The following NCOR2 variants were observed in gnomAD, a reference collection of about 807,000 sequenced individuals.
The protein encoded by NCOR2 is nuclear receptor corepressor 2.
Under a neutral mutation model 262.9 loss-of-function variants are expected in NCOR2, and 81 were observed. That is an observed-to-expected ratio of 0.31 (90% CI 0.26 to 0.37). NCOR2 has a LOEUF of 0.37. Ranked by LOEUF, NCOR2 falls within the 10% of genes least tolerant of loss-of-function variation. NCOR2 has a pLI of 1.00. For synonymous variants in NCOR2, 1,659 were observed against 1,559.3 expected (o/e 1.06, Z -1.51); for missense variants, 3,385 against 3,621.4 (o/e 0.93, Z 1.68).
intron 1 of NCOR2, among the ~76,000 whole-genome samples, chr12:124,511,167 A>C (rs926382129): frequency 3.9e-5 from 6 of 152,064 alleles, no homozygotes; most frequent in Non-Finnish European, 7.4e-5. Flanking sequence ...GGTGTGCTTA[A>C]AGCCCAGATT....
Position 124,325,537 on chromosome 12 carries a change from C to T in NCOR2, c.7410G>A (p.Ala2470=), listed in dbSNP as rs772122155. ...GTGGGGGTGGGGAAGCCATGACACC[C>T]GCCTGCAGCCGCATGATCAGGGGGT... is the stretch of plus-strand genomic sequence containing the variant. Residue 2470 remains alanine, a synonymous_variant, in exon 47 of 47, where the codon GCG becomes GCA. Coordinates refer to ENST00000405201, the Ensembl canonical transcript of NCOR2. The T allele has an allele frequency of 3.1e-5, 41 of 1,335,920 alleles. No individual in the cohort carries two copies. Among genetic ancestry groups the T allele is most frequent in the East Asian group, 2.0e-4 (7 of 34,258 alleles). 82.8% of individuals were successfully genotyped at this position (1,335,920 alleles called of 1,614,324 possible).
At chr12:124,355,278 G>A in intron 24 of NCOR2, 154 bp downstream of exon 26, 5 of 907,672 alleles carry the variant, frequency 5.5e-6, no homozygotes, top group Non-Finnish European at 8.2e-6. Flanking sequence ...TGAGTGCCTG[G>A]GGCAGGACCC....
At chr12:124,551,646 C>T (rs1858283104) in intron 1 of NCOR2, among the ~76,000 whole-genome samples, 1 of 152,210 alleles carries the variant, frequency 6.6e-6, no homozygotes, top group Admixed American at 6.5e-5. Context: ...CTGTGACAAG[C>T]CAGTGGTCCT....
In NCOR2 at chr12:124,385,739, G is replaced by T. The variant is rs1261423165; in HGVS notation, c.2019+6C>A. On this transcript the variant is annotated splice_donor_region_variant and intron_variant, in intron 17 of 46. Transcript: ENST00000405201. ...GAGGCGCGGTGCAGCGTGACTGGGG[G>T]CTCACCATCTTCAGCTTGTGCTGCT... 6.2e-7 allele frequency: 1 copy of T among 1,613,200 alleles called. No homozygotes were observed. Among genetic ancestry groups the T allele is most frequent in the Non-Finnish European group, 8.5e-7 (1 of 1,179,770 alleles).
At chr12:124,430,582 AC>A in intron 9 of NCOR2, 32 bp downstream of exon 11, 1 of 1,577,248 alleles carries the variant, frequency 6.3e-7, no homozygotes, top group Non-Finnish European at 8.6e-7. Flanking sequence ...CCGGGCCCTG[AC>A]GTCGGGGGCC....
chr12:124,381,014 T>C (rs1246950778), intron 17 of NCOR2, among the ~76,000 whole-genome samples: 2 of 152,166 alleles, frequency 1.3e-5, no homozygotes, highest in African/African-American at 2.4e-5. Flanking sequence ...GTTTCTGGTA[T>C]TAATTTACTG....
At chr12:124,348,136 G>T (rs1306023050) in intron 29 of NCOR2, 38 bp downstream of exon 31, 2 of 1,604,392 alleles carry the variant, frequency 1.2e-6, no homozygotes, top group African/African-American at 1.3e-5. Flanking sequence ...CCGCCCACCA[G>T]GGGGCACCGA....
Position 124,325,384 on chromosome 12 carries a change from C to CCCCT in NCOR2, c.*17_*18insAGGG, listed in dbSNP as rs1555297261. 2.9e-4 allele frequency: 139 copies of CCCCT among 486,686 alleles called. 2 individuals carry two copies. The highest frequency in any genetic ancestry group is 3.6e-4 in the Non-Finnish European group (117 of 323,226). 30.1% of individuals were successfully genotyped at this position (486,686 alleles called of 1,614,324 possible). A position where few individuals can be genotyped will look rare whatever the true frequency, so the allele number is the denominator to read the frequency against. Reference sequence around the variant, plus strand: ...TCGCTGGGACCTGACACCGCCCCCCCCCCCGCCCTGTTCTGAGTCACTCGC... The same window carrying CCCCT: ...TCGCTGGGACCTGACACCGCCCCCCCCCCTCCCCGCCCTGTTCTGAGTCACTCGC... On this transcript the variant is annotated 3_prime_UTR_variant, in exon 47 of 47. Coordinates refer to ENST00000405201, the Ensembl canonical transcript of NCOR2.
chr12:124,495,190 G>A lies in NCOR2; in HGVS notation c.62C>T (p.Pro21Leu), dbSNP rs2048320297. The change falls in exon 1 of 47, where the codon CCC becomes CTC. Residue 21 changes from proline (P) to leucine (L), a missense_variant. Transcript: ENST00000405201. This position sits in a 1 kb window ranked among gnomAD's most constrained non-coding sequence, Gnocchi z 4.4. ...CTGCACTGGGTAGGAAAGGCTGTGGGGCGGGTAGCGGGGCTCAGTGGCCCT... is the reference window on the plus strand; with the variant it reads ...CTGCACTGGGTAGGAAAGGCTGTGGAGCGGGTAGCGGGGCTCAGTGGCCCT... 9 of 1,613,862 alleles carry A rather than the reference G, an allele frequency of 5.6e-6. No homozygotes were observed. Among genetic ancestry groups the A allele is most frequent in the Non-Finnish European group, 7.6e-6 (9 of 1,179,972 alleles).
chr12:124,518,689 C>A, intron 1 of NCOR2, among the ~76,000 whole-genome samples: 1 of 152,274 alleles, frequency 6.6e-6, no homozygotes, highest in Middle Eastern at 3.2e-3. Context: ...GTAACCCTGG[C>A]GGGCTTCCAG....
rs896684336 is a variant in NCOR2, at chr12:124,344,768, C to T, written c.4543G>A (p.Ala1515Thr). 8.4e-6 allele frequency: 13 copies of T among 1,549,334 alleles called. No individual in the cohort carries two copies. The highest frequency in any genetic ancestry group is 6.8e-5 in the African/African-American group (5 of 73,088). Residue 1515 changes from alanine to threonine, a missense_variant, in exon 32 of 47, where the codon GCC (alanine) becomes ACC (threonine). Physicochemically the swap from Ala to Thr is moderately conservative, Grantham distance 58. Around this residue, in one of 5 missense-constraint regions of NCOR2, gnomAD observed 1,615 missense variants for 1,626.9 expected, o/e 0.99. Transcript: ENST00000405201. ...GCAATGGAGCCCCCCGAGCTGCTGG[C>T]GGTCCCTGGCCGGCTCTTCAGGCTC...
chr12:124,469,865 G>A (rs571888226), intron 4 of NCOR2, among the ~76,000 whole-genome samples: 1 of 152,248 alleles, frequency 6.6e-6, no homozygotes, highest in East Asian at 1.9e-4. Flanking sequence ...TTTAAAGGAA[G>A]ATAAAAAAGG....
At chr12:124,449,778 C>A in intron 7 of NCOR2, 37 bp downstream of exon 9, 1 of 1,611,450 alleles carries the variant, frequency 6.2e-7, no homozygotes, top group Non-Finnish European at 8.5e-7. Context: ...GCCCACCCTG[C>A]CTCTGTGTGT....
At chr12:124,402,242 C>T (rs1276189382) in intron 14 of NCOR2, among the ~76,000 whole-genome samples, 162 bp downstream of exon 16, 2 of 151,988 alleles carry the variant, frequency 1.3e-5, no homozygotes, top group South Asian at 2.1e-4. Context: ...GGTGGGCTTC[C>T]GGAAGGGGGG....
chr12:124,401,017 C>A (rs1205965633), intron 14 of NCOR2, among the ~76,000 whole-genome samples: 2 of 152,060 alleles, frequency 1.3e-5, no homozygotes, highest in Non-Finnish European at 2.9e-5. Flanking sequence ...CCAGCCTGGG[C>A]AACACAGCAA....
chr12:124,486,749 A>G (rs2047786515), intron 1 of NCOR2, among the ~76,000 whole-genome samples, 181 bp from the exon 4 acceptor site: 1 of 152,186 alleles, frequency 6.6e-6, no homozygotes, highest in Non-Finnish European at 1.5e-5. Flanking sequence ...CTTGGGGCCG[A>G]ACACCAAGGA....
At chr12:124,489,188 C>T (rs1033940295) in intron 1 of NCOR2, among the ~76,000 whole-genome samples, 1 of 152,024 alleles carries the variant, frequency 6.6e-6, no homozygotes. Context: ...CTGGAATACG[C>T]CCAGGCTGGA....
intron 37 of NCOR2, 101 bp downstream of exon 39, chr12:124,339,905 A>ATACCCC: frequency 1.2e-5 from 2 of 163,602 alleles, no homozygotes; most frequent in Non-Finnish European, 2.2e-5. Context: ...CCACCCACCC[A>ATACCCC]CCTCCCATAT....
At chr12:124,480,197 G>A (rs995800628) in intron 3 of NCOR2, among the ~76,000 whole-genome samples, 5 of 152,184 alleles carry the variant, frequency 3.3e-5, no homozygotes, top group South Asian at 2.1e-4. Flanking sequence ...AGTCCCCACC[G>A]CCCACCCCTA....
Sources: allele counts gnomAD v4.1 joint callset (sites outside exome capture counted in the v4.1 genomes callset), GRCh38; gene constraint gnomAD v4.1.1; regional missense constraint gnomAD v4.1.1; non-coding constraint Gnocchi (gnomAD v3.1); transcripts MANE v1.5; gene names NCBI Gene and HGNC (gene_info 2026-07-23, HGNC 2026-07-21).